The following TMPRSS11D variants were observed in gnomAD, a reference collection of about 807,000 sequenced individuals.
TMPRSS11D encodes transmembrane serine protease 11D.
In TMPRSS11D, 32 loss-of-function variants were observed where a neutral mutation model predicts 44.4. The ratio of observed to expected loss-of-function variants is 0.72; its 90% confidence interval spans 0.54 to 0.97. The LOEUF is 0.97. Among genes scored for constraint, TMPRSS11D ranks in the 50% least tolerant of loss-of-function variants. The pLI, the probability that TMPRSS11D is intolerant of heterozygous loss-of-function variation, is 0.00. For synonymous variants in TMPRSS11D, 179 were observed against 177.9 expected (o/e 1.01, Z -0.05); for missense variants, 446 against 502.6 (o/e 0.89, Z 1.08).
rs567533636 is a variant in TMPRSS11D at position 67,880,949 on chromosome 4, C to T, written c.8+2977G>A. On this transcript the variant is annotated intron_variant, in intron 1 of 9. Coordinates refer to ENST00000283916, the MANE Select transcript of TMPRSS11D (RefSeq NM_004262.3). ...AATGACTCATCAGTATAAACTTTTCCAAAGTCCATTTTTATTTACAACTAT... is the reference window on the plus strand; with the variant it reads ...AATGACTCATCAGTATAAACTTTTCTAAAGTCCATTTTTATTTACAACTAT... Among the ~76,000 whole-genome samples the T allele has an allele frequency of 2.8e-3, 433 of 152,216 alleles. 4 individuals carry two copies. Among genetic ancestry groups the T allele is most frequent in the African/African-American group, 9.9e-3 (413 of 41,528 alleles).
intron 1 of TMPRSS11D, among the ~76,000 whole-genome samples, chr4:67,866,641 C>T (rs530933270): frequency 3.3e-5 from 5 of 151,940 alleles, no homozygotes; most frequent in East Asian, 1.9e-4. Flanking sequence ...AGGAATGTCT[C>T]GGGATACAAA....
intron 8 of TMPRSS11D, 41 bp from the exon 9 acceptor site, chr4:67,825,915 G>T: frequency 6.3e-7 from 1 of 1,589,830 alleles, no homozygotes; most frequent in Non-Finnish European, 8.6e-7. Flanking sequence ...ACTTCAAGAT[G>T]TGTACATTAT....
intron 3 of TMPRSS11D, among the ~76,000 whole-genome samples, chr4:67,843,454 T>G (rs1263780599): frequency 6.6e-6 from 1 of 152,224 alleles, no homozygotes; most frequent in African/African-American, 2.4e-5. Context: ...CCAATTACCC[T>G]GATGTGATTA....
At chr4:67,868,565 G>A (rs1463047127) in intron 1 of TMPRSS11D, among the ~76,000 whole-genome samples, 1 of 152,224 alleles carries the variant, frequency 6.6e-6, no homozygotes, top group Non-Finnish European at 1.5e-5. Context: ...AACGGGAACA[G>A]AAGAGGTAGA....
intron 1 of TMPRSS11D, among the ~76,000 whole-genome samples, chr4:67,863,741 A>G (rs1483689901): frequency 1.3e-5 from 2 of 152,234 alleles, no homozygotes; most frequent in Non-Finnish European, 2.9e-5. Flanking sequence ...AAAAAAATTT[A>G]AATGATAAAG....
chr4:67,847,420 T>G (rs1718385157), intron 3 of TMPRSS11D, among the ~76,000 whole-genome samples: 1 of 152,220 alleles, frequency 6.6e-6, no homozygotes, highest in African/African-American at 2.4e-5. Context: ...AAGTGCAAGT[T>G]TTAAAATTTG....
chr4:67,871,470 C>G (rs1013753058), intron 1 of TMPRSS11D, among the ~76,000 whole-genome samples: 18 of 152,288 alleles, frequency 1.2e-4, no homozygotes, highest in African/African-American at 4.3e-4. Flanking sequence ...TTCAAGAATG[C>G]TGCTGACACA....
intron 1 of TMPRSS11D, among the ~76,000 whole-genome samples, chr4:67,871,344 G>A (rs1457267756): frequency 6.6e-6 from 1 of 152,094 alleles, no homozygotes; most frequent in Non-Finnish European, 1.5e-5. Flanking sequence ...ATCCTCATAT[G>A]CTGTATATCT....
In TMPRSS11D at chr4:67,821,425, C is replaced by T. The variant is rs1179943858; in HGVS notation, c.*912G>A. ...TACTTAGATTTAGCGTTTGACGACC[C>T]TTTTACGCTCAAAAATATAACTGCC... On this transcript the variant is annotated 3_prime_UTR_variant, in exon 10 of 10. Transcript: ENST00000283916. 6.6e-6 allele frequency: 1 copy of T among 152,064 alleles called. No individual in the cohort carries two copies. Among genetic ancestry groups the T allele is most frequent in the African/African-American group, 2.4e-5 (1 of 41,382 alleles). The allele number at this position is 152,064 out of a possible 1,614,324, so 9.4% of individuals were successfully genotyped here. A position where few individuals can be genotyped will look rare whatever the true frequency, so the allele number is the denominator to read the frequency against.
intron 1 of TMPRSS11D, among the ~76,000 whole-genome samples, chr4:67,879,540 G>C (rs1490344654): frequency 6.6e-6 from 1 of 150,664 alleles, no homozygotes; most frequent in Non-Finnish European, 1.5e-5. Flanking sequence ...TCTAGTAACA[G>C]AAACTGAGAA....
At position 67,821,260 on chromosome 4, in the gene TMPRSS11D, AG is replaced by A. The variant is rs1221004525; in HGVS notation, c.*1076del. On this transcript the variant is annotated 3_prime_UTR_variant, in exon 10 of 10. Coordinates refer to ENST00000283916, the MANE Select transcript of TMPRSS11D (RefSeq NM_004262.3). ...TGGTGGGGGAGGCATGTGTATGAGA[AG>A]GGGAGAGAGAGAGAAAGAAAATGAG... The A allele has an allele frequency of 3.3e-5, 5 of 151,488 alleles. No homozygotes were observed. Among genetic ancestry groups the A allele is most frequent in the Non-Finnish European group, 4.4e-5 (3 of 68,024 alleles). The allele number at this position is 151,488 out of a possible 1,614,324, so 9.4% of individuals were successfully genotyped here.
intron 2 of TMPRSS11D, among the ~76,000 whole-genome samples, chr4:67,858,079 T>G (rs755516794): frequency 1.2e-4 from 19 of 152,162 alleles, no homozygotes; most frequent in Non-Finnish European, 1.9e-4. Context: ...TAAAAGTCTC[T>G]GAAACATATC....
chr4:67,883,736 A>G (rs1290074913), intron 1 of TMPRSS11D, among the ~76,000 whole-genome samples, 190 bp downstream of exon 1: 2 of 152,074 alleles, frequency 1.3e-5, no homozygotes, highest in Non-Finnish European at 2.9e-5. Context: ...CAGTTAAGCA[A>G]CTATGTACCT....
intron 1 of TMPRSS11D, among the ~76,000 whole-genome samples, chr4:67,882,807 C>T (rs1719351080): frequency 6.6e-6 from 1 of 151,954 alleles, no homozygotes. Flanking sequence ...ATTAGACTTT[C>T]TCCCATGTAT....
intron 1 of TMPRSS11D, among the ~76,000 whole-genome samples, chr4:67,882,157 T>A (rs536897877): frequency 6.8e-4 from 103 of 151,908 alleles, no homozygotes; most frequent in African/African-American, 2.3e-3. Flanking sequence ...GAGCTGGGAG[T>A]TTAATTTTTT....
intron 9 of TMPRSS11D, among the ~76,000 whole-genome samples, chr4:67,824,841 G>C (rs892694095): frequency 2.6e-5 from 4 of 152,030 alleles, no homozygotes; most frequent in Admixed American, 2.6e-4. Context: ...TAAAACTCCA[G>C]ACTAAAAGAA....
intron 1 of TMPRSS11D, among the ~76,000 whole-genome samples, chr4:67,867,056 G>A (rs562941672): frequency 2.0e-5 from 3 of 152,022 alleles, no homozygotes; most frequent in Admixed American, 1.3e-4. Context: ...AAAGCTGGAG[G>A]TATCATATGA....
At chr4:67,837,596 T>C (rs925002457) in intron 5 of TMPRSS11D, among the ~76,000 whole-genome samples, 2 of 152,124 alleles carry the variant, frequency 1.3e-5, no homozygotes, top group African/African-American at 4.8e-5. Context: ...TTAAATTCTA[T>C]GCATATATTA....
intron 1 of TMPRSS11D, among the ~76,000 whole-genome samples, chr4:67,877,158 A>T (rs981085015): frequency 3.1e-4 from 47 of 151,940 alleles, no homozygotes; most frequent in South Asian, 6.3e-4. Context: ...AATTAAAAAA[A>T]TTTTTTTTTA....
Sources: allele counts gnomAD v4.1 joint callset (sites outside exome capture counted in the v4.1 genomes callset), GRCh38; gene constraint gnomAD v4.1.1; transcripts MANE v1.5; gene names NCBI Gene and HGNC (gene_info 2026-07-23, HGNC 2026-07-21).